The following TANC1 variants were observed in gnomAD, a reference collection of about 807,000 sequenced individuals.
The protein encoded by TANC1 is tetratricopeptide repeat, ankyrin repeat and coiled-coil containing 1.
A neutral mutation model predicts 149.7 loss-of-function variants in TANC1; 77 were observed. That is an observed-to-expected ratio of 0.51 (90% CI 0.43 to 0.62). TANC1 has a LOEUF of 0.62. Among genes scored for constraint, TANC1 ranks in the 20% least tolerant of loss-of-function variants. The pLI is 0.00. For missense variants in TANC1, 1,985 were observed against 2,321.8 expected (o/e 0.85, Z 2.98); for synonymous variants, 854 against 925.0 (o/e 0.92, Z 1.39).
chr2:159,120,021 T>C (rs2048683079), intron 4 of TANC1, among the ~76,000 whole-genome samples: 1 of 152,154 alleles, frequency 6.6e-6, no homozygotes, highest in Admixed American at 6.5e-5. Flanking sequence ...TGCAGCCTGT[T>C]GTGGGATTGT....
intron 5 of TANC1, among the ~76,000 whole-genome samples, chr2:159,137,375 G>A (rs989786505): frequency 6.6e-6 from 1 of 152,324 alleles, no homozygotes; most frequent in East Asian, 1.9e-4. Flanking sequence ...AGGGGAGTTT[G>A]GGACATGGGG....
intron 2 of TANC1, among the ~76,000 whole-genome samples, chr2:159,063,073 C>G (rs1478044927): frequency 6.6e-6 from 1 of 151,294 alleles, no homozygotes; most frequent in Non-Finnish European, 1.5e-5. Flanking sequence ...TGTCTGTCAG[C>G]AAGCCAGACA....
intron 19 of TANC1, among the ~76,000 whole-genome samples, chr2:159,199,975 T>C (rs1043765325): frequency 6.6e-6 from 1 of 152,140 alleles, no homozygotes; most frequent in African/African-American, 2.4e-5. Flanking sequence ...CCTTTGTGGG[T>C]CCAAAGAAGG....
chr2:159,169,507 C>G lies in TANC1; in HGVS notation c.1069+135C>G, dbSNP rs1405668234. On this transcript the variant is annotated intron_variant, in intron 9 of 26. Transcript: ENST00000263635. The stretch of plus-strand genomic sequence containing the variant: ...AAGTGTGTTTGTGCTAAAAGCATAT[C>G]TGTGAGGTGTGCTAAGAGGTCATCC... The G allele has an allele frequency of 3.2e-6, 3 of 923,416 alleles. No individual in the cohort carries two copies. The East Asian group carries it at 7.5e-5, about 23-fold the overall frequency. The allele number at this position is 923,416 out of a possible 1,614,324, so 57.2% of individuals were successfully genotyped here.
chr2:159,218,628 G>A (rs753343315), intron 20 of TANC1, among the ~76,000 whole-genome samples: 1 of 152,186 alleles, frequency 6.6e-6, no homozygotes, highest in East Asian at 1.9e-4. Flanking sequence ...GGATACCCCT[G>A]TCTGGTTTTC....
intron 19 of TANC1, among the ~76,000 whole-genome samples, chr2:159,205,712 C>T (rs935195797): frequency 5.3e-5 from 8 of 152,204 alleles, no homozygotes; most frequent in South Asian, 4.1e-4. Flanking sequence ...AATCACCTAA[C>T]GACTCATTTC....
chr2:158,983,486 A>C (rs1178065531), intron 1 of TANC1, among the ~76,000 whole-genome samples: 2 of 145,670 alleles, frequency 1.4e-5, no homozygotes, highest in African/African-American at 2.5e-5. Flanking sequence ...AAAAAAAAAA[A>C]ACACCAAACA....
intron 4 of TANC1, among the ~76,000 whole-genome samples, chr2:159,105,336 T>A (rs569226262): frequency 6.6e-6 from 1 of 152,166 alleles, no homozygotes; most frequent in Non-Finnish European, 1.5e-5. Flanking sequence ...ATAATTTGTT[T>A]TCGCTATTCC....
chr2:159,223,459 C>CT (rs2059827009), intron 22 of TANC1, among the ~76,000 whole-genome samples: 1 of 152,110 alleles, frequency 6.6e-6, no homozygotes, highest in Non-Finnish European at 1.5e-5. Context: ...GGTTGTAGTT[C>CT]TTTGTGTAGA....
intron 1 of TANC1, among the ~76,000 whole-genome samples, chr2:158,970,388 C>T (rs1293284300): frequency 6.6e-6 from 1 of 152,134 alleles, no homozygotes; most frequent in Non-Finnish European, 1.5e-5. Context: ...AGATCTGCTA[C>T]TAGGAAGATT....
rs187941514 is a variant in TANC1, at chr2:159,176,569, G to C, written c.1902+51G>C. 1.2e-4 allele frequency: 166 copies of C among 1,356,072 alleles called. No homozygotes were observed. In the African/African-American group the frequency reaches 2.2e-3, roughly 18 times the overall value. The allele number at this position is 1,356,072 out of a possible 1,614,324, so 84.0% of individuals were successfully genotyped here. ...TCCAAGTCCCCATTCCAATTTTACA[G>C]TGATAAATGTTAATAACGTAAAACT... On this transcript the variant is annotated intron_variant, in intron 13 of 26. Coordinates refer to ENST00000263635, the MANE Select transcript of TANC1 (RefSeq NM_033394.3).
chr2:159,013,933 A>G (rs74865886), intron 2 of TANC1, among the ~76,000 whole-genome samples: 14,738 of 152,166 alleles, frequency 0.097, 735 homozygotes, highest in Non-Finnish European at 0.11. Context: ...TGACTTGTAG[A>G]GGGCCATCTT....
intron 22 of TANC1, 119 bp from the exon 23 acceptor site, chr2:159,224,113 T>C: frequency 8.6e-7 from 1 of 1,162,136 alleles, no homozygotes; most frequent in East Asian, 2.4e-5. Context: ...TAGTCTAGGA[T>C]CCTTAATAGG....
At chr2:159,140,168 G>T (rs974810630) in intron 5 of TANC1, among the ~76,000 whole-genome samples, 1 of 151,560 alleles carries the variant, frequency 6.6e-6, no homozygotes, top group African/African-American at 2.4e-5. Context: ...GCTGCAGTGA[G>T]CCATGATCAC....
intron 2 of TANC1, among the ~76,000 whole-genome samples, chr2:159,044,095 T>C (rs1287473133): frequency 6.6e-6 from 1 of 152,218 alleles, no homozygotes; most frequent in African/African-American, 2.4e-5. Context: ...GCTAACCGTG[T>C]GCTGAGATCT....
chr2:159,151,440 G>T (rs1056227033), intron 7 of TANC1, among the ~76,000 whole-genome samples: 2 of 152,194 alleles, frequency 1.3e-5, no homozygotes, highest in African/African-American at 4.8e-5. Context: ...GCAGTTTCAC[G>T]CAGAGCTCTT....
intron 5 of TANC1, among the ~76,000 whole-genome samples, chr2:159,146,416 A>G (rs2052090373): frequency 6.6e-6 from 1 of 152,210 alleles, no homozygotes; most frequent in African/African-American, 2.4e-5. Context: ...CATGAAGTAA[A>G]TAAAATAACG....
chr2:159,141,651 T>C (rs1246430269), intron 5 of TANC1, among the ~76,000 whole-genome samples: 1 of 152,202 alleles, frequency 6.6e-6, no homozygotes, highest in African/African-American at 2.4e-5. Flanking sequence ...TCAAACTGGG[T>C]ATCAAGAAAG....
At chr2:159,226,114 G>C (rs527269888) in intron 24 of TANC1, 1 of 327,344 alleles carries the variant, frequency 3.1e-6, no homozygotes, top group East Asian at 9.3e-5. Flanking sequence ...AGGTTGCAGT[G>C]AGCTGAGATT....
Sources: gnomAD v4.1 joint callset for allele counts (sites outside exome capture counted in the v4.1 genomes callset) on GRCh38, gnomAD v4.1.1 for gene constraint, MANE v1.5 for transcripts, NCBI Gene and HGNC (gene_info 2026-07-23, HGNC 2026-07-21) for gene names.